Variants in RSPH10B2 observed in about 807,000 individuals in gnomAD.
RSPH10B2 encodes the protein radial spoke head 10 homolog B2, also known as radial spoke head 10 homolog B2 (Chlamydomonas).
RSPH10B2 carries 9 observed loss-of-function variants against 49.0 expected under a neutral mutation model. The observed-to-expected ratio is 0.18, with a 90% CI of 0.11 to 0.32. The LOEUF is 0.32. Ranked by LOEUF, RSPH10B2 falls within the 10% of genes least tolerant of loss-of-function variation. The pLI is 1.00. For missense variants in RSPH10B2, 95 were observed against 589.9 expected (o/e 0.16, Z 8.69); for synonymous variants, 35 against 210.2 (o/e 0.17, Z 7.21).
At chr7:6,797,619 G>T (rs867475076) in intron 18 of RSPH10B2, among the ~76,000 whole-genome samples, 3 of 152,288 alleles carry the variant, frequency 2.0e-5, no homozygotes, top group African/African-American at 7.2e-5. Flanking sequence ...CCAGCATTTT[G>T]GGGGGCCAAG....
chr7:6,758,965 A>ATG (rs1347936043), intron 1 of RSPH10B2, 119 bp from the exon 4 acceptor site: 2 of 543,008 alleles, frequency 3.7e-6, no homozygotes, highest in African/African-American at 5.4e-5. Context: ...ATATATATAT[A>ATG]TATATTTTTT....
chr7:6,756,061 G>T (rs1256826171), upstream of RSPH10B2, among the ~76,000 whole-genome samples: 2 of 150,678 alleles, frequency 1.3e-5, no homozygotes, highest in African/African-American at 2.5e-5. Context: ...GAGGTCAGGA[G>T]ATCGAGACCA....
Position 6,798,725 on chromosome 7 carries a change from AC to A in RSPH10B2, c.*189del, listed in dbSNP as rs374760223. On this transcript the variant is annotated 3_prime_UTR_variant, in exon 19 of 19. Coordinates refer to ENST00000297186, the Ensembl canonical transcript of RSPH10B2. ...AGACCAGCCTGGGCAACATAGTGAGACCCCCCCATCTCTGCAAAATTAAAAC... is the reference window on the plus strand; with the variant it reads ...AGACCAGCCTGGGCAACATAGTGAGACCCCCCATCTCTGCAAAATTAAAAC... 7 of 156,888 alleles carry A rather than the reference AC, an allele frequency of 4.5e-5. 1 individual carries two copies. The highest frequency in any genetic ancestry group is 5.7e-5 in the Non-Finnish European group (6 of 104,654). 9.7% of individuals were successfully genotyped at this position (156,888 alleles called of 1,614,324 possible). A position where few individuals can be genotyped will look rare whatever the true frequency, so the allele number is the denominator to read the frequency against.
At position 6,781,743 on chromosome 7, in the gene RSPH10B2, C is replaced by CGT. The variant is rs1414242905; in HGVS notation, c.1758+268_1758+269dup. ...GCCTATAACAATGGCCCATGGCATG[C>CGT]GTATATATATATATTGCAATCCCAG... On this transcript the variant is annotated intron_variant, in intron 13 of 18. Coordinates refer to ENST00000297186, the Ensembl canonical transcript of RSPH10B2. 1.8e-5 allele frequency among the ~76,000 whole-genome samples: 2 copies of CGT among 110,340 alleles called. 1 individual carries two copies. Among genetic ancestry groups the CGT allele is most frequent in the East Asian group, 5.6e-4 (2 of 3,600 alleles). The allele number at this position is 110,340 out of a possible 152,430, so 72.4% of individuals were successfully genotyped here.
intron 17 of RSPH10B2, among the ~76,000 whole-genome samples, chr7:6,795,548 G>A (rs1388388468): frequency 2.7e-5 from 3 of 111,712 alleles, no homozygotes; most frequent in African/African-American, 9.9e-5. Context: ...CGAGATGGGA[G>A]GATTACTAGA....
In RSPH10B2 at chr7:6,794,497, AGG is replaced by A. The variant is rs1456432737; in HGVS notation, c.2234-2069_2234-2068del. 46 of 41,480 alleles carry A rather than the reference AGG, an allele frequency of 1.1e-3. No individual in the cohort carries two copies. The South Asian group carries it at 0.012, about 11-fold the overall frequency. The allele number at this position is 41,480 out of a possible 1,614,324, so 2.6% of individuals were successfully genotyped here. ...CAGAGCTCAGCATCCCAGCAGAGACAGGGCATTCCTGCGGTGCCGTAATCAAG... is the reference window on the plus strand; with the variant it reads ...CAGAGCTCAGCATCCCAGCAGAGACAGCATTCCTGCGGTGCCGTAATCAAG... On this transcript the variant is annotated intron_variant, in intron 17 of 18. Coordinates refer to ENST00000297186, the Ensembl canonical transcript of RSPH10B2.
At chr7:6,782,004 C>T (rs2115455151) in intron 13 of RSPH10B2, among the ~76,000 whole-genome samples, 1 of 111,724 alleles carries the variant, frequency 9.0e-6, no homozygotes, top group South Asian at 4.3e-4. Flanking sequence ...ACCTCCACCT[C>T]CTGGGTTCAA....
intron 3 of RSPH10B2, among the ~76,000 whole-genome samples, chr7:6,763,223 G>A (rs1781303729): frequency 4.3e-5 from 2 of 47,000 alleles, no homozygotes; most frequent in South Asian, 1.5e-3. Flanking sequence ...ATCACCTCAG[G>A]TCAGGAGTTC....
intron 6 of RSPH10B2, 80 bp downstream of exon 8, chr7:6,766,957 G>A: frequency 8.3e-7 from 1 of 1,206,306 alleles, no homozygotes; most frequent in Non-Finnish European, 1.1e-6. Flanking sequence ...TTCTTTTTGG[G>A]TTTTGTTTTT....
intron 13 of RSPH10B2, 150 bp from the exon 16 acceptor site, chr7:6,785,799 T>TG: frequency 1.5e-6 from 1 of 667,936 alleles, no homozygotes; most frequent in Non-Finnish European, 2.6e-6. Flanking sequence ...CCTAGCAGCC[T>TG]GGGCGACAGA....
At chr7:6,797,959 T>C in intron 18 of RSPH10B2, among the ~76,000 whole-genome samples, 1 of 94,958 alleles carries the variant, frequency 1.1e-5, no homozygotes, top group Non-Finnish European at 2.0e-5. Flanking sequence ...GCCAACCTGG[T>C]GAAACCCATC....
intron 17 of RSPH10B2, chr7:6,793,987 T>G (rs1490708926): frequency 6.5e-6 from 1 of 153,888 alleles, no homozygotes; most frequent in Non-Finnish European, 1.4e-5. Context: ...GGGGGCTGTG[T>G]ACATGCTCAC....
intron 17 of RSPH10B2, chr7:6,794,238 T>G (rs1782480822): frequency 6.4e-6 from 1 of 155,512 alleles, no homozygotes; most frequent in Admixed American, 6.5e-5. Context: ...CCCTTAGCTT[T>G]TGCTCCACGT....
In RSPH10B2 at chr7:6,766,914, C is replaced by T. The variant is rs755629775; in HGVS notation, c.780+37C>T. ...CGGGGTAGCAGCTTATACCCAGAGG[C>T]GGATGCTCCGCCGATTCTCAACACA... On this transcript the variant is annotated intron_variant, in intron 6 of 18. Transcript: ENST00000297186. 269 of 923,460 alleles carry T rather than the reference C, an allele frequency of 2.9e-4. 16 individuals are homozygous for T. In the African/African-American group the frequency reaches 4.7e-3, roughly 16 times the overall value. The allele number at this position is 923,460 out of a possible 1,614,324, so 57.2% of individuals were successfully genotyped here. A position where few individuals can be genotyped will look rare whatever the true frequency, so the allele number is the denominator to read the frequency against.
intron 16 of RSPH10B2, 113 bp from the exon 19 acceptor site, chr7:6,791,788 AAGG>A (rs2115070846): frequency 6.5e-6 from 1 of 153,436 alleles, no homozygotes; most frequent in African/African-American, 3.1e-5. Context: ...AAATTAGCTC[AAGG>A]AGAACAGCCT....
At chr7:6,756,271 AAAAT>A (rs202239780), upstream of RSPH10B2, among the ~76,000 whole-genome samples, 4 of 120,446 alleles carry the variant, frequency 3.3e-5, no homozygotes, top group Non-Finnish European at 5.0e-5. Context: ...CTCCGTCTCA[AAAAT>A]AAATAAATAA....
intron 16 of RSPH10B2, among the ~76,000 whole-genome samples, chr7:6,791,479 C>A (rs1242675810): frequency 1.6e-4 from 23 of 146,064 alleles, no homozygotes; most frequent in African/African-American, 5.5e-4. Context: ...TGTGGTGGCT[C>A]ACACCTGTAA....
At chr7:6,764,608 A>G (rs1405551575) in intron 4 of RSPH10B2, among the ~76,000 whole-genome samples, 6 of 150,602 alleles carry the variant, frequency 4.0e-5, no homozygotes, top group South Asian at 2.1e-4. Flanking sequence ...TGATCCACCC[A>G]CCTCAGCCTC....
chr7:6,797,459 G>C (rs868501054), intron 18 of RSPH10B2, among the ~76,000 whole-genome samples: 13 of 152,208 alleles, frequency 8.5e-5, no homozygotes, highest in Admixed American at 6.5e-5. Flanking sequence ...AGAAGGTTGG[G>C]ACTTTCAGCT....
Sources: allele counts gnomAD v4.1 joint callset (sites outside exome capture counted in the v4.1 genomes callset), GRCh38; gene constraint gnomAD v4.1.1; transcripts MANE v1.5; gene names NCBI Gene and HGNC (gene_info 2026-07-23, HGNC 2026-07-21).